ELSPBP1: variants seen among roughly 807,000 people sequenced by gnomAD.
ELSPBP1 encodes the protein epididymal sperm-binding protein 1.
A neutral mutation model predicts 33.3 loss-of-function variants in ELSPBP1; 38 were observed. The ratio of observed to expected loss-of-function variants is 1.14; its 90% CI spans 0.88 to 1.50. The LOEUF is 1.50. Ranked by LOEUF, ELSPBP1 falls within the 40% of genes most tolerant of loss-of-function variation. ELSPBP1 has a pLI of 0.00. For synonymous variants in ELSPBP1, 85 were observed against 94.1 expected, an observed-to-expected ratio of 0.90 and a Z score of 0.56; for missense variants, 267 against 263.5, an observed-to-expected ratio of 1.01 and a Z score of -0.09.
intron 4 of ELSPBP1, among the ~76,000 whole-genome samples, chr19:48,016,520 CTTT>C (rs1967141606): frequency 2.4e-5 from 2 of 82,946 alleles, no homozygotes; most frequent in South Asian, 3.8e-4. Context: ...TTCTTTCTTT[CTTT>C]CTTTCTTCCT....
rs201457821 is a variant in ELSPBP1, at chr19:48,022,178, G to A, written c.523G>A (p.Ala175Thr). 2.5e-5 allele frequency: 41 copies of A among 1,611,740 alleles called. No individual in the cohort carries two copies. Among genetic ancestry groups the A allele is most frequent in the East Asian group, 1.3e-4 (6 of 44,822 alleles). The change falls in exon 6 of 7, where the codon GCG (alanine) becomes ACG (threonine). Residue 175 changes from alanine to threonine, a missense_variant. Coordinates refer to ENST00000339841, the MANE Select transcript of ELSPBP1 (RefSeq NM_022142.5). ...CCCCTTCTGCTTCCTAGGAATTTCC[G>A]CGTTGGTCCCTGGCTTTCCTTGTCA... ...WSFCADTRIS[A>T]LVPGFPCHFP...
intron 5 of ELSPBP1, among the ~76,000 whole-genome samples, chr19:48,021,342 C>T (rs1045084957): frequency 6.6e-6 from 1 of 150,828 alleles, no homozygotes; most frequent in Admixed American, 6.6e-5. Context: ...AGGTTTAGGT[C>T]GGCATTCTGA....
At chr19:48,006,646 A>G (rs370993204) in intron 1 of ELSPBP1, among the ~76,000 whole-genome samples, 14 of 82,866 alleles carry the variant, frequency 1.7e-4, no homozygotes, top group African/African-American at 3.8e-4. Flanking sequence ...AAAAAAAAAA[A>G]AGAAAAGAAA....
chr19:48,008,665 A>C lies in ELSPBP1; in HGVS notation c.-3A>C, dbSNP rs773927899. 7.4e-6 allele frequency: 12 copies of C among 1,613,704 alleles called. No individual in the cohort carries two copies. The Admixed American group carries it at 2.0e-4, about 27-fold the overall frequency. ...CTTTTCCACAGAGAAGAGGGCAGCC[A>C]AGATGACCCGATGGTCCAGTTACCT... is the stretch of plus-strand genomic sequence containing the variant. On this transcript the variant is annotated 5_prime_UTR_variant, in exon 2 of 7. Coordinates refer to ENST00000339841, the MANE Select transcript of ELSPBP1 (RefSeq NM_022142.5).
intron 1 of ELSPBP1, among the ~76,000 whole-genome samples, chr19:48,008,202 TAGAA>T (rs1158866847): frequency 6.6e-6 from 1 of 151,872 alleles, no homozygotes; most frequent in African/African-American, 2.4e-5. Context: ...CACACATATG[TAGAA>T]ACATATGTGT....
intron 1 of ELSPBP1, among the ~76,000 whole-genome samples, chr19:48,000,993 A>T (rs1290573685): frequency 6.6e-6 from 1 of 152,188 alleles, no homozygotes; most frequent in Non-Finnish European, 1.5e-5. Flanking sequence ...ACTGGGGCTA[A>T]GATCAGGGTA....
At chr19:48,024,241 T>C (rs927677191) in intron 6 of ELSPBP1, among the ~76,000 whole-genome samples, 6 of 152,114 alleles carry the variant, frequency 3.9e-5, no homozygotes, top group Admixed American at 3.9e-4. Context: ...AAGGACCAGC[T>C]GATTGAAGCA....
Position 48,006,621 on chromosome 19 carries a change from C to CAA in ELSPBP1, c.-17-2005_-17-2004dup, listed in dbSNP as rs1190341508. On this transcript the variant is annotated intron_variant, in intron 1 of 6. Coordinates refer to ENST00000339841, the MANE Select transcript of ELSPBP1 (RefSeq NM_022142.5). ...TGGGCGACAGAGTGAGACCCTGTCT[C>CAA]AAAAAAAAAAAAAAAAAAAAAAAAA... 4.4e-3 allele frequency among the ~76,000 whole-genome samples: 92 copies of CAA among 20,802 alleles called. 4 individuals are homozygous for CAA. The highest frequency in any genetic ancestry group is 9.2e-3 in the African/African-American group (56 of 6,082). 13.6% of individuals were successfully genotyped at this position (20,802 alleles called of 152,430 possible).
chr19:48,007,113 A>G (rs1395835306), intron 1 of ELSPBP1, among the ~76,000 whole-genome samples: 2 of 152,122 alleles, frequency 1.3e-5, no homozygotes, highest in African/African-American at 2.4e-5. Flanking sequence ...TGGCTTTAAT[A>G]ATTCATAAAT....
At chr19:48,009,703 T>TAA (rs34303424) in intron 2 of ELSPBP1, among the ~76,000 whole-genome samples, 2 of 152,028 alleles carry the variant, frequency 1.3e-5, no homozygotes, top group Non-Finnish European at 2.9e-5. Context: ...ATTTACGTTT[T>TAA]AAAAAAAGTG....
chr19:48,020,548 G>A (rs958361713), intron 5 of ELSPBP1, among the ~76,000 whole-genome samples: 6 of 152,116 alleles, frequency 3.9e-5, no homozygotes, highest in East Asian at 1.9e-4. Flanking sequence ...CATGAGTGTC[G>A]ATTTCATCAG....
At chr19:48,020,176 G>A (rs966793568) in intron 5 of ELSPBP1, among the ~76,000 whole-genome samples, 4 of 152,102 alleles carry the variant, frequency 2.6e-5, no homozygotes, top group African/African-American at 7.2e-5. Flanking sequence ...TGTGAGCCAC[G>A]AATGGTGGCT....
chr19:48,014,150 T>TTTTC, intron 2 of ELSPBP1, 21 bp from the exon 3 acceptor site: 1 of 1,610,754 alleles, frequency 6.2e-7, no homozygotes, highest in Non-Finnish European at 8.5e-7. Flanking sequence ...CCCACTCCTG[T>TTTTC]TTTCTCCTTC....
rs62129074 is a variant in ELSPBP1 at position 48,011,797 on chromosome 19, A to G, written c.71-2374A>G. 0.17 allele frequency among the ~76,000 whole-genome samples: 25,406 copies of G among 152,098 alleles called. 2,171 individuals carry two copies. The highest frequency in any genetic ancestry group is 0.23 in the South Asian group (1,095 of 4,824). ...GATGGTAATGATGATGATGATGACA[A>G]TGATAATCATAGCTAATATTTATTA... On this transcript the variant is annotated intron_variant, in intron 2 of 6. Transcript: ENST00000339841. This position sits in a 1 kb window ranked among gnomAD's most constrained non-coding sequence, Gnocchi z 4.5.
In ELSPBP1 at chr19:48,015,874, C is replaced by G. The variant is rs144193006; in HGVS notation, c.209-19C>G. 1 of 1,591,184 alleles carries G rather than the reference C, an allele frequency of 6.3e-7. No homozygotes were observed. The highest frequency in any genetic ancestry group is 8.6e-7 in the Non-Finnish European group (1 of 1,161,838). On this transcript the variant is annotated intron_variant, in intron 3 of 6. Coordinates refer to ENST00000339841, the MANE Select transcript of ELSPBP1 (RefSeq NM_022142.5). ...CGACTAGAGGAAGTTAAGACACTCACGAACTCTGTTCCTAACAGATTACCC... is the reference window on the plus strand; with the variant it reads ...CGACTAGAGGAAGTTAAGACACTCAGGAACTCTGTTCCTAACAGATTACCC...
At chr19:47,997,379 C>T (rs1966921608) in intron 1 of ELSPBP1, among the ~76,000 whole-genome samples, 1 of 152,064 alleles carries the variant, frequency 6.6e-6, no homozygotes, top group Non-Finnish European at 1.5e-5. Flanking sequence ...CATGCATATA[C>T]CTGTATATGT....
intron 1 of ELSPBP1, among the ~76,000 whole-genome samples, chr19:48,006,631 A>AG (rs1275038879): frequency 1.6e-5 from 2 of 129,022 alleles, no homozygotes; most frequent in African/African-American, 2.9e-5. Flanking sequence ...CAAAAAAAAA[A>AG]AAAAAAAAAA....
chr19:48,006,156 C>T (rs928811897), intron 1 of ELSPBP1, among the ~76,000 whole-genome samples: 1 of 152,022 alleles, frequency 6.6e-6, no homozygotes, highest in Non-Finnish European at 1.5e-5. Flanking sequence ...GATGAGGTCT[C>T]ACTATGTTGT....
intron 1 of ELSPBP1, among the ~76,000 whole-genome samples, chr19:48,001,244 C>T (rs1032055347): frequency 6.6e-6 from 1 of 151,316 alleles, no homozygotes; most frequent in East Asian, 1.9e-4. Context: ...AATCTTGGCT[C>T]ACTGCAACCT....
Sources: gnomAD v4.1 joint callset for allele counts (sites outside exome capture counted in the v4.1 genomes callset) on GRCh38, gnomAD v4.1.1 for gene constraint, Gnocchi (gnomAD v3.1) non-coding constraint, MANE v1.5 for transcripts, NCBI Gene and HGNC (gene_info 2026-07-23, HGNC 2026-07-21) for gene names.